Variants in CAPN15 observed in about 807,000 individuals in gnomAD.
The protein encoded by CAPN15 is calpain-15.
A neutral mutation model predicts 97.9 loss-of-function variants in CAPN15; 53 were observed. The ratio of observed to expected loss-of-function variants is 0.54; its 90% CI spans 0.43 to 0.68. The LOEUF (loss-of-function observed/expected upper bound fraction) is 0.68. Among genes scored for constraint, CAPN15 ranks in the 30% least tolerant of loss-of-function variants. CAPN15 has a pLI of 0.00. For missense variants in CAPN15, 1,592 were observed against 1,589.8 expected, an observed-to-expected ratio of 1.00 and a Z score of -0.02; for synonymous variants, 922 against 722.5, an observed-to-expected ratio of 1.28 and a Z score of -4.43.
chr16:534,984 G>A (rs143453359), intron 2 of CAPN15, among the ~76,000 whole-genome samples: 9 of 152,254 alleles, frequency 5.9e-5, no homozygotes, highest in East Asian at 3.9e-4. Context: ...GGGTACAGCC[G>A]TGTACATGAT....
intron 3 of CAPN15, among the ~76,000 whole-genome samples, chr16:543,700 G>A (rs1398576810): frequency 6.6e-6 from 1 of 152,114 alleles, no homozygotes; most frequent in Non-Finnish European, 1.5e-5. Flanking sequence ...CAGACTGCGG[G>A]AAGGCAGCTG....
At chr16:542,562 C>A (rs532963020) in intron 3 of CAPN15, among the ~76,000 whole-genome samples, 10 of 152,112 alleles carry the variant, frequency 6.6e-5, no homozygotes, top group African/African-American at 2.4e-4. Context: ...TCTCATCCAC[C>A]CGTGCCTGTC....
chr16:530,476 T>A (rs1222735265), intron 1 of CAPN15, among the ~76,000 whole-genome samples: 1 of 152,180 alleles, frequency 6.6e-6, no homozygotes, highest in Non-Finnish European at 1.5e-5. Context: ...ACACCTGAGC[T>A]CGGCCTGTTT....
rs777086855 is a variant in CAPN15 at position 552,988 on chromosome 16, G to A, written c.3030G>A (p.Val1010=). The change falls in exon 13 of 14, where the codon GTG becomes GTA. Residue 1010 remains valine (V), a synonymous_variant. Coordinates refer to ENST00000219611, the MANE Select transcript of CAPN15 (RefSeq NM_005632.3). The surrounding 1 kb of genome is among the most constrained non-coding windows in gnomAD (Gnocchi z 6.4). ...VQCDCTDSFN[V]VSTRGSLRTQ... ...GTGACTGCACCGACAGCTTCAACGT[G>A]GTGTCCACACGCGGCAGCCTGCGTA... The A allele has an allele frequency of 1.2e-6, 2 of 1,611,280 alleles. No homozygotes were observed. The highest frequency in any genetic ancestry group is 1.7e-6 in the Non-Finnish European group (2 of 1,179,192).
intron 2 of CAPN15, among the ~76,000 whole-genome samples, 193 bp downstream of exon 2, chr16:534,191 T>C (rs2033498343): frequency 6.6e-6 from 1 of 152,274 alleles, no homozygotes; most frequent in East Asian, 1.9e-4. Flanking sequence ...GCCGTGGTCC[T>C]GTCGTGGGAG....
At position 533,936 on chromosome 16, in the gene CAPN15, C is replaced by T. The variant is rs1596320499; in HGVS notation, c.-189-10C>T. On this transcript the variant is annotated splice_polypyrimidine_tract_variant and intron_variant, in intron 1 of 13. Coordinates refer to ENST00000219611, the MANE Select transcript of CAPN15 (RefSeq NM_005632.3). The stretch of plus-strand genomic sequence containing the variant: ...AGCTGAGGTGCCTGATTAAATGCCT[C>T]CCTTTCTAGGCAGCAGCCCAGACGC... The T allele has an allele frequency of 3.0e-6, 3 of 985,280 alleles. No individual in the cohort carries two copies. Among genetic ancestry groups the T allele is most frequent in the Non-Finnish European group, 3.6e-6 (3 of 829,782 alleles). 61.0% of individuals were successfully genotyped at this position (985,280 alleles called of 1,614,324 possible).
At chr16:534,521 C>G (rs1048525498) in intron 2 of CAPN15, among the ~76,000 whole-genome samples, 2 of 152,166 alleles carry the variant, frequency 1.3e-5, no homozygotes, top group Non-Finnish European at 2.9e-5. Flanking sequence ...AAGCCCTGTC[C>G]TCAGCCCTCC....
rs775423217 is a variant in CAPN15, at chr16:553,934, C to T, written c.*418C>T. 3.6e-5 allele frequency: 7 copies of T among 191,850 alleles called. No individual in the cohort carries two copies. Among genetic ancestry groups the T allele is most frequent in the East Asian group, 1.6e-4 (1 of 6,310 alleles). The allele number at this position is 191,850 out of a possible 1,614,324, so 11.9% of individuals were successfully genotyped here. The stretch of plus-strand genomic sequence containing the variant: ...GGGTGGGATCAGGGACCACCCCTCA[C>T]GGGGCATAAGGTCAGTTTTCCCCCA... On this transcript the variant is annotated 3_prime_UTR_variant, in exon 14 of 14. Transcript: ENST00000219611.
chr16:538,404 C>G (rs546457827), intron 3 of CAPN15: 2 of 152,240 alleles, frequency 1.3e-5, no homozygotes, highest in Non-Finnish European at 2.9e-5. Flanking sequence ...ACACTGGCCC[C>G]GTGTGTCCTG....
chr16:546,361 G>A (rs938268149), intron 3 of CAPN15, among the ~76,000 whole-genome samples: 1 of 152,254 alleles, frequency 6.6e-6, no homozygotes. Flanking sequence ...CTGTGGTGTG[G>A]GGAGGCCCCT....
Position 546,859 on chromosome 16 carries a change from G to A in CAPN15, c.21G>A (p.Trp7Ter). Reference sequence around the variant, plus strand: ...GGTCTATGGCCACGGTCGGAGAGTGGTCCTGTGTGCGCTGCACCTTCCTGA... The same window carrying A: ...GGTCTATGGCCACGGTCGGAGAGTGATCCTGTGTGCGCTGCACCTTCCTGA... The part of the protein sequence containing the change: MATVGE[W>*]SCVRCTFLNP... The change falls in exon 4 of 14, where the codon TGG becomes TGA. Residue 7 changes from tryptophan to a stop codon, truncating the protein, a stop_gained. Transcript: ENST00000219611. LOFTEE classifies it high-confidence loss of function. 1 of 1,610,574 alleles carries A rather than the reference G, an allele frequency of 6.2e-7. No homozygotes were observed. The highest frequency in any genetic ancestry group is 8.5e-7 in the Non-Finnish European group (1 of 1,178,810).
At chr16:540,472 T>A (rs138405950) in intron 3 of CAPN15, 227 of 466,676 alleles carry the variant, frequency 4.9e-4, no homozygotes, top group African/African-American at 4.6e-3. Context: ...GAGAAGTGGG[T>A]CCCTGCTCCT....
At position 551,190 on chromosome 16, in the gene CAPN15, C is replaced by T. The variant is rs534418684; in HGVS notation, c.2067-112C>T. ...TGAGGGTCCCGGTCGGTGAGGGCCC[C>T]GGTCGGTGAGGGTCCCCAGTCGGTG... On this transcript the variant is annotated intron_variant, in intron 7 of 13. Coordinates refer to ENST00000219611, the MANE Select transcript of CAPN15 (RefSeq NM_005632.3). 335 of 1,468,392 alleles carry T rather than the reference C, an allele frequency of 2.3e-4. 1 individual carries two copies. Among genetic ancestry groups the T allele is most frequent in the Middle Eastern group, 7.5e-4 (3 of 4,012 alleles). 91.0% of individuals were successfully genotyped at this position (1,468,392 alleles called of 1,614,324 possible). A position where few individuals can be genotyped will look rare whatever the true frequency, so the allele number is the denominator to read the frequency against.
intron 7 of CAPN15, among the ~76,000 whole-genome samples, chr16:550,892 C>T (rs79105286): frequency 2.2e-5 from 2 of 92,892 alleles, no homozygotes; most frequent in Non-Finnish European, 3.9e-5. Context: ...TCGGTGAGGT[C>T]CCTGGTCGGT....
At chr16:544,735 C>CTGT (rs1349466343) in intron 3 of CAPN15, among the ~76,000 whole-genome samples, 1 of 47,452 alleles carries the variant, frequency 2.1e-5, no homozygotes, top group East Asian at 7.5e-4. Context: ...CCCCACGTCG[C>CTGT]CTCCCCCACG....
At position 536,061 on chromosome 16, in the gene CAPN15, C is replaced by T; in HGVS notation, c.-104C>T. The stretch of plus-strand genomic sequence containing the variant: ...GCCAGGATGGGAACCACGGACTGAC[C>T]TGACCTGCGTCCTCGGGGCCACTGC... On this transcript the variant is annotated 5_prime_UTR_variant, in exon 3 of 14. Coordinates refer to ENST00000219611, the MANE Select transcript of CAPN15 (RefSeq NM_005632.3). 1.0e-6 allele frequency: 1 copy of T among 954,280 alleles called. No individual in the cohort carries two copies. The highest frequency in any genetic ancestry group is 1.2e-6 in the Non-Finnish European group (1 of 811,054). The allele number at this position is 954,280 out of a possible 1,614,324, so 59.1% of individuals were successfully genotyped here.
chr16:543,803 C>T (rs571321511), intron 3 of CAPN15, among the ~76,000 whole-genome samples: 2 of 152,286 alleles, frequency 1.3e-5, no homozygotes, highest in African/African-American at 4.8e-5. Context: ...GGAGGGTCAG[C>T]GCGACAGCCC....
chr16:549,235 T>TGGG, intron 5 of CAPN15, 34 bp downstream of exon 5: 1 of 53,106 alleles, frequency 1.9e-5, no homozygotes, highest in South Asian at 1.5e-4. Flanking sequence ...GTGGGGCGGG[T>TGGG]GGGCGGGCGA....
chr16:548,768 C>A (rs767800374), intron 4 of CAPN15, among the ~76,000 whole-genome samples: 1 of 152,260 alleles, frequency 6.6e-6, no homozygotes, highest in African/African-American at 2.4e-5. Flanking sequence ...CCCCTGGGCC[C>A]ACACGTCCCC....
Sources: allele counts gnomAD v4.1 joint callset (sites outside exome capture counted in the v4.1 genomes callset), GRCh38; gene constraint gnomAD v4.1.1; non-coding constraint Gnocchi (gnomAD v3.1); transcripts MANE v1.5; gene names NCBI Gene and HGNC (gene_info 2026-07-23, HGNC 2026-07-21).